Variants in PTPRD observed in about 807,000 individuals in gnomAD.
The protein encoded by PTPRD is receptor-type tyrosine-protein phosphatase delta.
In PTPRD, 34 loss-of-function variants were observed where a neutral mutation model predicts 214.5. That is an observed-to-expected ratio of 0.16 (90% CI 0.12 to 0.21). The LOEUF (loss-of-function observed/expected upper bound fraction) is 0.21. Ranked by LOEUF, PTPRD falls within the 10% of genes least tolerant of loss-of-function variation. The pLI is 1.00. For synonymous variants in PTPRD, 1,128 were observed against 845.7 expected (o/e 1.33, Z -5.79); for missense variants, 2,545 against 2,398.7 (o/e 1.06, Z -1.27).
At chr9:10,571,458 T>A (rs995155372) in intron 2 of PTPRD, among the ~76,000 whole-genome samples, 1 of 152,150 alleles carries the variant, frequency 6.6e-6, no homozygotes, top group African/African-American at 2.4e-5. Flanking sequence ...ATGGTTTCCA[T>A]GATATAGTAA....
At chr9:9,662,330 A>T (rs2096637298) in intron 7 of PTPRD, among the ~76,000 whole-genome samples, 1 of 151,690 alleles carries the variant, frequency 6.6e-6, no homozygotes, top group Non-Finnish European at 1.5e-5. Context: ...TACCTTAGGT[A>T]GTTAACTTGG....
At chr9:10,075,139 C>T (rs917078398) in intron 3 of PTPRD, among the ~76,000 whole-genome samples, 10 of 152,076 alleles carry the variant, frequency 6.6e-5, no homozygotes, top group East Asian at 5.8e-4. Context: ...TTTCTGTCAA[C>T]GAATAAAATA....
At chr9:8,955,707 A>C (rs1218032396) in intron 11 of PTPRD, among the ~76,000 whole-genome samples, 1 of 151,776 alleles carries the variant, frequency 6.6e-6, no homozygotes, top group African/African-American at 2.4e-5. Flanking sequence ...TCTTTGTCAC[A>C]TTTTGAAACA....
In PTPRD at chr9:10,612,989, T is replaced by C. The variant is rs2081378906; in HGVS notation, c.-1009A>G. 6.6e-6 allele frequency among the ~76,000 whole-genome samples: 1 copy of C among 151,024 alleles called. No individual in the cohort carries two copies. The highest frequency in any genetic ancestry group is 1.5e-5 in the Non-Finnish European group (1 of 67,668). ...CTCGCTCGCTGGCGCTCCCTCCTCG[T>C]CTCGCTCGCACTCACAGGCACACAC... On this transcript the variant is annotated 5_prime_UTR_variant, in exon 1 of 46. Coordinates refer to ENST00000381196, the MANE Select transcript of PTPRD (RefSeq NM_002839.4).
At chr9:9,373,468 G>T (rs1489544980) in intron 9 of PTPRD, among the ~76,000 whole-genome samples, 1 of 152,086 alleles carries the variant, frequency 6.6e-6, no homozygotes, top group Non-Finnish European at 1.5e-5. Context: ...CTAGAGGCCA[G>T]AATTCTGAAA....
intron 7 of PTPRD, among the ~76,000 whole-genome samples, chr9:9,708,664 TAA>T (rs2097670839): frequency 6.6e-6 from 1 of 151,862 alleles, no homozygotes; most frequent in African/African-American, 2.4e-5. Context: ...TTACAGACAT[TAA>T]AAAAACTATA....
At chr9:8,676,029 G>A (rs1439512812) in intron 12 of PTPRD, among the ~76,000 whole-genome samples, 1 of 152,126 alleles carries the variant, frequency 6.6e-6, no homozygotes, top group Non-Finnish European at 1.5e-5. Context: ...ATCCCATTTT[G>A]ACCAATAGTG....
chr9:9,247,801 A>G lies in PTPRD; in HGVS notation c.-202-64438T>C, dbSNP rs2099973750. Among the ~76,000 whole-genome samples, 4 of 152,112 alleles carry G rather than the reference A, an allele frequency of 2.6e-5. No homozygotes were observed. The South Asian group carries it at 8.3e-4, about 32-fold the overall frequency. On this transcript the variant is annotated intron_variant, in intron 9 of 45. Transcript: ENST00000381196. ...TTCCAATTCCATTGAATCAGATTCA[A>G]TGAGGGCAGCTAAATTTTTACAAGT...
At position 10,412,633 on chromosome 9, in the gene PTPRD, AACACACAC is replaced by A. The variant is rs150312961; in HGVS notation, c.-599-71624_-599-71617del. The stretch of plus-strand genomic sequence containing the variant: ...ACACACGCACGCACACACACACACA[AACACACAC>A]ACACACACACACACACACACACACC... On this transcript the variant is annotated intron_variant, in intron 2 of 45. Transcript: ENST00000381196. 4.0e-3 allele frequency among the ~76,000 whole-genome samples: 588 copies of A among 147,332 alleles called. 5 individuals are homozygous for A. Among genetic ancestry groups the A allele is most frequent in the African/African-American group, 9.9e-3 (397 of 40,092 alleles).
At chr9:10,078,282 G>A (rs1406703955) in intron 3 of PTPRD, among the ~76,000 whole-genome samples, 2 of 150,734 alleles carry the variant, frequency 1.3e-5, no homozygotes, top group Non-Finnish European at 2.9e-5. Context: ...GGAGGCTGAG[G>A]TGGGCAGATT....
intron 3 of PTPRD, among the ~76,000 whole-genome samples, chr9:10,249,880 GA>G (rs1182364533): frequency 1.3e-5 from 2 of 151,888 alleles, no homozygotes; most frequent in Middle Eastern, 3.4e-3. Flanking sequence ...TGCTACATTT[GA>G]AAAAAATAAA....
intron 3 of PTPRD, among the ~76,000 whole-genome samples, chr9:10,096,423 T>C (rs1286579037): frequency 1.3e-5 from 2 of 151,932 alleles, no homozygotes; most frequent in African/African-American, 4.8e-5. Flanking sequence ...TTTTTAATGA[T>C]CGCCATTCTA....
At chr9:9,119,362 G>A (rs1313282775) in intron 10 of PTPRD, among the ~76,000 whole-genome samples, 1 of 140,518 alleles carries the variant, frequency 7.1e-6, no homozygotes, top group Non-Finnish European at 1.5e-5. Context: ...AGCAAAAATG[G>A]TGAGGGTGAG....
intron 9 of PTPRD, among the ~76,000 whole-genome samples, chr9:9,301,599 T>C (rs1399381103): frequency 1.3e-5 from 2 of 151,938 alleles, no homozygotes; most frequent in African/African-American, 4.8e-5. Flanking sequence ...ATCATTTTAC[T>C]TTATCCCTTG....
intron 3 of PTPRD, among the ~76,000 whole-genome samples, chr9:10,174,288 C>T (rs2099231896): frequency 6.6e-6 from 1 of 152,086 alleles, no homozygotes; most frequent in Admixed American, 6.6e-5. Flanking sequence ...TGAGTGAGTT[C>T]TCACCCAATT....
At chr9:9,360,948 T>C (rs1193156873) in intron 9 of PTPRD, among the ~76,000 whole-genome samples, 1 of 151,220 alleles carries the variant, frequency 6.6e-6, no homozygotes, top group South Asian at 2.1e-4. Flanking sequence ...TAAATTCTAC[T>C]AAAACGATGT....
At chr9:9,757,947 G>A (rs183574638) in intron 6 of PTPRD, among the ~76,000 whole-genome samples, 18 of 151,952 alleles carry the variant, frequency 1.2e-4, no homozygotes, top group South Asian at 6.2e-4. Flanking sequence ...TAGAACCCCC[G>A]AATCTCTGAT....
intron 7 of PTPRD, among the ~76,000 whole-genome samples, chr9:9,621,752 G>A (rs1233504750): frequency 6.6e-6 from 1 of 152,130 alleles, no homozygotes; most frequent in African/African-American, 2.4e-5. Flanking sequence ...CTGGGCTGGG[G>A]TGATTTTTAG....
chr9:9,167,368 G>A (rs751150900), intron 10 of PTPRD, among the ~76,000 whole-genome samples: 50 of 147,876 alleles, frequency 3.4e-4, no homozygotes, highest in Non-Finnish European at 5.2e-4. Context: ...GTGATTTTTC[G>A]ATTTGCTAAT....
Sources: allele counts gnomAD v4.1 joint callset (sites outside exome capture counted in the v4.1 genomes callset), GRCh38; gene constraint gnomAD v4.1.1; transcripts MANE v1.5; gene names NCBI Gene and HGNC (gene_info 2026-07-23, HGNC 2026-07-21).